The following CLINT1 variants were observed in gnomAD, a reference collection of about 807,000 sequenced individuals.
CLINT1 encodes the protein clathrin interactor 1, also known as clathrin interacting protein localized in the trans-Golgi region.
In CLINT1, 15 loss-of-function variants were observed where a neutral mutation model predicts 70.4. The observed-to-expected ratio is 0.21, with a 90% confidence interval of 0.14 to 0.33. The LOEUF is 0.33. CLINT1 is among the 10% of genes least tolerant of loss of function. The probability of loss-of-function intolerance (pLI) is 1.00; values close to 1 mark genes in which losing one functional copy is unlikely to be tolerated. For synonymous variants in CLINT1, 227 were observed against 254.7 expected, an observed-to-expected ratio of 0.89 and a Z score of 1.04; for missense variants, 615 against 778.1, an observed-to-expected ratio of 0.79 and a Z score of 2.49.
rs548839067 is a variant in CLINT1 at position 157,817,592 on chromosome 5, T to C, written c.42-45A>G. The C allele has an allele frequency of 1.3e-5, 16 of 1,264,996 alleles. No individual in the cohort carries two copies. In the South Asian group the frequency reaches 2.0e-4, roughly 16 times the overall value. 78.4% of individuals were successfully genotyped at this position (1,264,996 alleles called of 1,614,324 possible). On this transcript the variant is annotated intron_variant, in intron 1 of 11. Transcript: ENST00000411809. ...ACGCACACATGCACAAAGATTAGCA[T>C]CAAAACTGAGAAACACATGAAAACT...
intron 1 of CLINT1, chr5:157,823,816 A>G (rs1017195067): frequency 8.7e-6 from 3 of 346,314 alleles, no homozygotes; most frequent in East Asian, 1.7e-4. Context: ...ATGGGGCTGC[A>G]TGGCAGGACA....
At chr5:157,793,189 G>C (rs542547931) in intron 9 of CLINT1, among the ~76,000 whole-genome samples, 1 of 151,492 alleles carries the variant, frequency 6.6e-6, no homozygotes, top group East Asian at 1.9e-4. Context: ...TTTACCTCAG[G>C]GTTTTACTAA....
intron 6 of CLINT1, 89 bp downstream of exon 6, chr5:157,809,539 C>T: frequency 9.0e-7 from 1 of 1,111,740 alleles, no homozygotes; most frequent in South Asian, 1.8e-5. Context: ...ATGTTAATAC[C>T]CCAAACAAAA....
chr5:157,823,038 C>T (rs1024197007), intron 1 of CLINT1, among the ~76,000 whole-genome samples: 1 of 152,070 alleles, frequency 6.6e-6, no homozygotes, highest in Non-Finnish European at 1.5e-5. Flanking sequence ...AAACTGAAGT[C>T]AAATGAATCT....
chr5:157,837,347 C>T (rs943209430), intron 1 of CLINT1, among the ~76,000 whole-genome samples: 3 of 151,790 alleles, frequency 2.0e-5, no homozygotes, highest in South Asian at 2.1e-4. Context: ...TGCACTACAG[C>T]GTGGATGGCA....
chr5:157,803,330 G>A (rs1762284307), intron 8 of CLINT1, among the ~76,000 whole-genome samples: 1 of 152,176 alleles, frequency 6.6e-6, no homozygotes, highest in Admixed American at 6.5e-5. Flanking sequence ...CATCAGGTAT[G>A]AGGAGTCATT....
intron 1 of CLINT1, among the ~76,000 whole-genome samples, chr5:157,826,547 T>C (rs1763046390): frequency 6.6e-6 from 1 of 151,738 alleles, no homozygotes; most frequent in South Asian, 2.1e-4. Context: ...AATAATTTGG[T>C]ACCACAGCCT....
At chr5:157,848,721 A>T (rs1274528936) in intron 1 of CLINT1, among the ~76,000 whole-genome samples, 1 of 151,960 alleles carries the variant, frequency 6.6e-6, no homozygotes. Flanking sequence ...GAGTGCAGTG[A>T]TGCAATCTTG....
chr5:157,851,908 A>G (rs1753590484), intron 1 of CLINT1, among the ~76,000 whole-genome samples: 1 of 152,192 alleles, frequency 6.6e-6, no homozygotes, highest in African/African-American at 2.4e-5. Flanking sequence ...TTCAGGCAAA[A>G]GAGCCCTGGT....
chr5:157,787,620 A>T lies in CLINT1; in HGVS notation c.*26T>A, dbSNP rs769249684. 4.4e-6 allele frequency: 7 copies of T among 1,596,738 alleles called. No homozygotes were observed. In the South Asian group the frequency reaches 7.8e-5, roughly 18 times the overall value. On this transcript the variant is annotated 3_prime_UTR_variant, in exon 12 of 12. Coordinates refer to ENST00000411809, the MANE Select transcript of CLINT1 (RefSeq NM_014666.4). ...CTATCTGCACAGCTAAAAATTCTTC[A>T]TTCAATCTGCTTCTTTTACAATCTC...
In CLINT1 at chr5:157,830,757, C is replaced by CTCT. The variant is rs1561662736; in HGVS notation, c.42-13211_42-13210insAGA. ...CTCTCCCTGCCCCTCCCTCTCTCTCCCTCTCTCTCTCTCTCTCTCTCTCTC... is the reference window on the plus strand; with the variant it reads ...CTCTCCCTGCCCCTCCCTCTCTCTCCTCTCTCTCTCTCTCTCTCTCTCTCTCTC... On this transcript the variant is annotated intron_variant, in intron 1 of 11. Transcript: ENST00000411809. Among the ~76,000 whole-genome samples the CTCT allele has an allele frequency of 3.1e-3, 271 of 87,354 alleles. 2 individuals are homozygous for CTCT. Among genetic ancestry groups the CTCT allele is most frequent in the Non-Finnish European group, 4.3e-3 (200 of 46,794 alleles). The allele number at this position is 87,354 out of a possible 152,430, so 57.3% of individuals were successfully genotyped here. A position where few individuals can be genotyped will look rare whatever the true frequency, so the allele number is the denominator to read the frequency against.
chr5:157,789,619 A>T, intron 10 of CLINT1, 106 bp from the exon 11 acceptor site: 1 of 1,432,702 alleles, frequency 7.0e-7, no homozygotes, highest in South Asian at 1.2e-5. Flanking sequence ...TATAAAAATT[A>T]TCAGATGGCA....
chr5:157,806,147 A>G, intron 6 of CLINT1, 35 bp from the exon 7 acceptor site: 1 of 1,599,672 alleles, frequency 6.3e-7, no homozygotes. Context: ...AAATAATAAG[A>G]CGGGATTATT....
chr5:157,821,620 T>G lies in CLINT1; in HGVS notation c.42-4073A>C, dbSNP rs114816891. On this transcript the variant is annotated intron_variant, in intron 1 of 11. Coordinates refer to ENST00000411809, the MANE Select transcript of CLINT1 (RefSeq NM_014666.4). ...CTCAACATATTAACTTTCTCTTTGC[T>G]TAAAACAAGAGTCTTGAAAATGAGT... Among the ~76,000 whole-genome samples, 537 of 152,342 alleles carry G rather than the reference T, an allele frequency of 3.5e-3. 5 individuals are homozygous for G. The highest frequency in any genetic ancestry group is 0.012 in the African/African-American group (504 of 41,590).
Position 157,814,297 on chromosome 5 carries a change from C to CA in CLINT1, c.244-5dup. On this transcript the variant is annotated splice_region_variant and splice_polypyrimidine_tract_variant and intron_variant, in intron 3 of 11. Transcript: ENST00000411809. ...GGTAAGCTAGGAGCAGCAACGACTG[C>CA]AAAAATACAAAGCAATAAATGATTT... The CA allele has an allele frequency of 6.3e-7, 1 of 1,577,654 alleles. No individual in the cohort carries two copies. The highest frequency in any genetic ancestry group is 8.7e-7 in the Non-Finnish European group (1 of 1,152,288).
At chr5:157,797,702 A>C (rs1017447483) in intron 8 of CLINT1, among the ~76,000 whole-genome samples, 2 of 152,210 alleles carry the variant, frequency 1.3e-5, no homozygotes, top group African/African-American at 4.8e-5. Context: ...GGGATTTTCA[A>C]ATCTTATTCA....
At chr5:157,802,176 T>C (rs1762245061) in intron 8 of CLINT1, among the ~76,000 whole-genome samples, 2 of 152,106 alleles carry the variant, frequency 1.3e-5, no homozygotes, top group Admixed American at 6.5e-5. Context: ...ATTACAGGTG[T>C]GAGCCACTGT....
At chr5:157,814,349 G>C in intron 3 of CLINT1, 56 bp from the exon 4 acceptor site, 1 of 1,190,622 alleles carries the variant, frequency 8.4e-7, no homozygotes. Flanking sequence ...GTAGAGCTTT[G>C]GTAAATGGTT....
At chr5:157,833,896 C>T (rs572059251) in intron 1 of CLINT1, among the ~76,000 whole-genome samples, 23 of 152,042 alleles carry the variant, frequency 1.5e-4, no homozygotes, top group South Asian at 1.2e-3. Flanking sequence ...GGGCCGTGAT[C>T]GTGCCACTGC....
Sources: allele counts gnomAD v4.1 joint callset (sites outside exome capture counted in the v4.1 genomes callset), GRCh38; gene constraint gnomAD v4.1.1; transcripts MANE v1.5; gene names NCBI Gene and HGNC (gene_info 2026-07-23, HGNC 2026-07-21).